Variants in CNTNAP2 observed in about 807,000 individuals in gnomAD.
The protein encoded by CNTNAP2 is contactin-associated protein-like 2.
A neutral mutation model predicts 155.2 loss-of-function variants in CNTNAP2; 98 were observed. That is an observed-to-expected ratio of 0.63 (90% confidence interval 0.54 to 0.75). The LOEUF (loss-of-function observed/expected upper bound fraction) is 0.75. Ranked by LOEUF, CNTNAP2 falls within the 30% of genes least tolerant of loss-of-function variation. The pLI is 0.00. For missense variants in CNTNAP2, 1,727 were observed against 1,688.1 expected, an observed-to-expected ratio of 1.02 and a Z score of -0.40; for synonymous variants, 651 against 631.2, an observed-to-expected ratio of 1.03 and a Z score of -0.47.
At chr7:146,947,472 T>G (rs892223233) in intron 3 of CNTNAP2, among the ~76,000 whole-genome samples, 3 of 143,328 alleles carry the variant, frequency 2.1e-5, no homozygotes, top group Non-Finnish European at 3.0e-5. Context: ...ATATATTGTA[T>G]ATATATACTA....
chr7:147,299,999 A>T, intron 8 of CNTNAP2, 142 bp from the exon 9 acceptor site: 1 of 814,230 alleles, frequency 1.2e-6, no homozygotes, highest in Non-Finnish European at 2.0e-6. Flanking sequence ...GAGACATGAG[A>T]CGTCAGTTTG....
chr7:146,856,285 G>GATAC (rs1279053360), intron 3 of CNTNAP2, among the ~76,000 whole-genome samples: 5 of 78,208 alleles, frequency 6.4e-5, no homozygotes, highest in South Asian at 3.5e-4. Flanking sequence ...TAGATAGATA[G>GATAC]ATAGATAGAT....
chr7:147,974,160 G>T (rs112422897), intron 14 of CNTNAP2, among the ~76,000 whole-genome samples: 214 of 152,284 alleles, frequency 1.4e-3, no homozygotes, highest in African/African-American at 5.0e-3. Context: ...TTATGAGAGT[G>T]TGTAGATATG....
At chr7:147,326,860 A>G (rs1425400623) in intron 9 of CNTNAP2, among the ~76,000 whole-genome samples, 1 of 152,220 alleles carries the variant, frequency 6.6e-6, no homozygotes, top group African/African-American at 2.4e-5. Context: ...CAATGAGACC[A>G]CTAGACTATA....
chr7:146,429,831 C>T (rs1286717916), intron 1 of CNTNAP2, among the ~76,000 whole-genome samples: 2 of 152,056 alleles, frequency 1.3e-5, no homozygotes, highest in South Asian at 2.1e-4. Context: ...CAGCTTTTGC[C>T]CATTCTATAT....
intron 1 of CNTNAP2, among the ~76,000 whole-genome samples, chr7:146,318,001 T>G (rs1348263029): frequency 6.6e-6 from 1 of 151,980 alleles, no homozygotes; most frequent in African/African-American, 2.4e-5. Context: ...ATTAGCCAGG[T>G]GTGGTGGCAC....
chr7:146,342,568 A>G (rs1048117702), intron 1 of CNTNAP2, among the ~76,000 whole-genome samples: 2 of 152,210 alleles, frequency 1.3e-5, no homozygotes, highest in Non-Finnish European at 2.9e-5. Context: ...AATTAAGGGT[A>G]AAAAACTTGC....
intron 18 of CNTNAP2, among the ~76,000 whole-genome samples, chr7:148,201,627 A>G (rs1350115883): frequency 1.3e-5 from 2 of 152,140 alleles, no homozygotes; most frequent in African/African-American, 4.8e-5. Flanking sequence ...AAACCAGTGA[A>G]GCTGAAGCCA....
intron 1 of CNTNAP2, among the ~76,000 whole-genome samples, chr7:146,736,057 A>C (rs574364884): frequency 6.6e-6 from 1 of 152,310 alleles, no homozygotes; most frequent in African/African-American, 2.4e-5. Context: ...TTACAAGCCA[A>C]AATAAAAAAA....
intron 1 of CNTNAP2, among the ~76,000 whole-genome samples, chr7:146,638,508 G>T: frequency 1.3e-5 from 1 of 78,446 alleles, no homozygotes. Flanking sequence ...TCTTTGAGAT[G>T]GAGTCTCACT....
At chr7:146,488,171 TCTTTC>T (rs1364182425) in intron 1 of CNTNAP2, among the ~76,000 whole-genome samples, 1 of 152,012 alleles carries the variant, frequency 6.6e-6, no homozygotes, top group Non-Finnish European at 1.5e-5. Context: ...CTTGCTCTTT[TCTTTC>T]TTTAGTCTTA....
At chr7:147,707,552 C>T (rs1340869145) in intron 13 of CNTNAP2, among the ~76,000 whole-genome samples, 1 of 152,182 alleles carries the variant, frequency 6.6e-6, no homozygotes, top group Non-Finnish European at 1.5e-5. Context: ...ACATGCCTTT[C>T]CTTGGGCCCC....
intron 12 of CNTNAP2, among the ~76,000 whole-genome samples, chr7:147,616,973 C>T (rs569502918): frequency 2.6e-5 from 4 of 152,298 alleles, no homozygotes; most frequent in African/African-American, 9.6e-5. Flanking sequence ...CCCACGCCTA[C>T]GATCGTGTGC....
At chr7:147,089,628 G>A (rs556487145) in intron 4 of CNTNAP2, among the ~76,000 whole-genome samples, 1 of 152,068 alleles carries the variant, frequency 6.6e-6, no homozygotes, top group Non-Finnish European at 1.5e-5. Flanking sequence ...CTAGGCCTTG[G>A]GTAGGAGTTA....
At position 147,791,760 on chromosome 7, in the gene CNTNAP2, A is replaced by G. The variant is rs755429220; in HGVS notation, c.2099-111805A>G. Among the ~76,000 whole-genome samples, 11 of 152,182 alleles carry G rather than the reference A, an allele frequency of 7.2e-5. No homozygotes were observed. In the East Asian group the frequency reaches 7.7e-4, roughly 11 times the overall value. On this transcript the variant is annotated intron_variant, in intron 13 of 23. Transcript: ENST00000361727. ...CCCATTGTGGGTTTCCTCTGTACTCATTGAGCTCTTACTTCTCTTCAGTTG... is the reference window on the plus strand; with the variant it reads ...CCCATTGTGGGTTTCCTCTGTACTCGTTGAGCTCTTACTTCTCTTCAGTTG...
intron 3 of CNTNAP2, among the ~76,000 whole-genome samples, chr7:147,027,497 A>G (rs1387730619): frequency 1.3e-5 from 2 of 152,246 alleles, no homozygotes; most frequent in African/African-American, 4.8e-5. Flanking sequence ...TCCCTTAAAC[A>G]AAACATAGGG....
chr7:146,312,220 T>C (rs891717767), intron 1 of CNTNAP2, among the ~76,000 whole-genome samples: 1 of 152,172 alleles, frequency 6.6e-6, no homozygotes, highest in Non-Finnish European at 1.5e-5. Context: ...CTAACATCAA[T>C]TTACTGCTAA....
At chr7:146,940,625 A>T (rs1410141689) in intron 3 of CNTNAP2, among the ~76,000 whole-genome samples, 12 of 151,940 alleles carry the variant, frequency 7.9e-5, no homozygotes, top group Admixed American at 7.9e-4. Flanking sequence ...TTGTTGGCCA[A>T]ACTGGGTTGA....
chr7:146,352,971 G>T (rs1794944039), intron 1 of CNTNAP2, among the ~76,000 whole-genome samples: 1 of 151,584 alleles, frequency 6.6e-6, no homozygotes, highest in Non-Finnish European at 1.5e-5. Flanking sequence ...AGCCAGGATG[G>T]TCTCGATCTC....
Sources: allele counts gnomAD v4.1 joint callset (sites outside exome capture counted in the v4.1 genomes callset), GRCh38; gene constraint gnomAD v4.1.1; transcripts MANE v1.5; gene names NCBI Gene and HGNC (gene_info 2026-07-23, HGNC 2026-07-21).